TNIK: variants seen among roughly 807,000 people sequenced by gnomAD.
The protein encoded by TNIK is TRAF2 and NCK interacting kinase, also known as TRAF2 and NCK-interacting protein kinase.
Under a neutral mutation model 191.3 loss-of-function variants are expected in TNIK, and 49 were observed. The ratio of observed to expected loss-of-function variants is 0.26; its 90% CI spans 0.20 to 0.32. The LOEUF is 0.32. Among genes scored for constraint, TNIK ranks in the 10% least tolerant of loss-of-function variants. The probability of loss-of-function intolerance (pLI) is 1.00; values close to 1 mark genes in which losing one functional copy is unlikely to be tolerated. For synonymous variants in TNIK, 594 were observed against 600.9 expected, an observed-to-expected ratio of 0.99 and a Z score of 0.17; for missense variants, 1,155 against 1,702.3, an observed-to-expected ratio of 0.68 and a Z score of 5.66.
chr3:171,123,216 C>T (rs905246375), intron 18 of TNIK, among the ~76,000 whole-genome samples: 4 of 152,192 alleles, frequency 2.6e-5, no homozygotes, highest in Non-Finnish European at 5.9e-5. Flanking sequence ...AAAATCACCT[C>T]GAAATGGGCC....
At position 171,060,457 on chromosome 3, in the gene TNIK, A is replaced by G. The variant is rs1048637140; in HGVS notation, c.*3424T>C. On this transcript the variant is annotated 3_prime_UTR_variant, in exon 33 of 33. Transcript: ENST00000436636. ...GAGTGCACCCTAGAAAACAATGTCA[A>G]AGTGTTAGAAAAATGGAGCCCCTGT... Among the ~76,000 whole-genome samples the G allele has an allele frequency of 3.3e-5, 5 of 152,286 alleles. No homozygotes were observed. Among genetic ancestry groups the G allele is most frequent in the Admixed American group, 2.6e-4 (4 of 15,300 alleles).
At chr3:171,389,411 C>T (rs1577734727) in intron 1 of TNIK, among the ~76,000 whole-genome samples, 1 of 152,142 alleles carries the variant, frequency 6.6e-6, no homozygotes, top group East Asian at 1.9e-4. Flanking sequence ...TTTCCGAGTG[C>T]CTGCTCTGTG....
chr3:171,271,770 C>T (rs1749135009), intron 2 of TNIK, among the ~76,000 whole-genome samples: 1 of 152,142 alleles, frequency 6.6e-6, no homozygotes, highest in African/African-American at 2.4e-5. Flanking sequence ...TTATATATAA[C>T]TTTCAAACCC....
At chr3:171,316,210 T>C (rs1754581125) in intron 2 of TNIK, among the ~76,000 whole-genome samples, 1 of 152,146 alleles carries the variant, frequency 6.6e-6, no homozygotes, top group Non-Finnish European at 1.5e-5. Flanking sequence ...ATTCCCATCT[T>C]CTTGCACAGT....
chr3:171,373,483 A>G (rs970488914), intron 1 of TNIK, among the ~76,000 whole-genome samples: 1 of 152,120 alleles, frequency 6.6e-6, no homozygotes, highest in South Asian at 2.1e-4. Context: ...ACTCCACTCC[A>G]TTCACACAAC....
At chr3:171,430,626 C>T (rs1363600807) in intron 1 of TNIK, among the ~76,000 whole-genome samples, 1 of 135,338 alleles carries the variant, frequency 7.4e-6, no homozygotes, top group Non-Finnish European at 1.5e-5. Flanking sequence ...CCCAGAGTGA[C>T]ACCTTGTCTC....
chr3:171,258,427 G>A (rs1747160315), intron 2 of TNIK, among the ~76,000 whole-genome samples: 1 of 152,112 alleles, frequency 6.6e-6, no homozygotes, highest in South Asian at 2.1e-4. Context: ...GGAGATGGGA[G>A]GATGACTCAT....
intron 3 of TNIK, among the ~76,000 whole-genome samples, chr3:171,224,155 C>G (rs1219132616): frequency 2.0e-5 from 3 of 152,108 alleles, no homozygotes; most frequent in Non-Finnish European, 4.4e-5. Context: ...GAAAGCAGAG[C>G]CCACAGATGG....
chr3:171,238,430 A>T (rs1744567626), intron 2 of TNIK, among the ~76,000 whole-genome samples: 1 of 152,224 alleles, frequency 6.6e-6, no homozygotes, highest in East Asian at 1.9e-4. Context: ...ATCCCAAAAA[A>T]TGTAAATTCT....
chr3:171,449,984 C>G (rs552521080), intron 1 of TNIK, among the ~76,000 whole-genome samples: 1 of 151,556 alleles, frequency 6.6e-6, no homozygotes, highest in Non-Finnish European at 1.5e-5. Context: ...TGCAGTCAGC[C>G]AACACGGTGC....
At chr3:171,377,030 C>T (rs1347824886) in intron 1 of TNIK, among the ~76,000 whole-genome samples, 3 of 152,310 alleles carry the variant, frequency 2.0e-5, no homozygotes, top group African/African-American at 2.4e-5. Context: ...TCGCATCCTG[C>T]GTATGAATGT....
At chr3:171,275,628 G>C (rs969271279) in intron 2 of TNIK, among the ~76,000 whole-genome samples, 5 of 152,136 alleles carry the variant, frequency 3.3e-5, no homozygotes, top group Non-Finnish European at 7.3e-5. Flanking sequence ...CATATAAAAA[G>C]AGGAAAATCT....
chr3:171,276,083 T>C (rs13070405), intron 2 of TNIK, among the ~76,000 whole-genome samples: 80,501 of 151,844 alleles, frequency 0.53, 22,244 homozygotes, highest in African/African-American at 0.65. Context: ...CAACACCCAC[T>C]CCACAAATGC....
chr3:171,194,766 A>G (rs1276348118), intron 4 of TNIK, 131 bp from the exon 5 acceptor site: 1 of 719,014 alleles, frequency 1.4e-6, no homozygotes, highest in Non-Finnish European at 2.4e-6. Flanking sequence ...TCATAAAACA[A>G]TATATAAAAC....
intron 2 of TNIK, among the ~76,000 whole-genome samples, chr3:171,364,602 T>C (rs1290346931): frequency 6.6e-6 from 1 of 152,200 alleles, no homozygotes; most frequent in East Asian, 1.9e-4. Context: ...TGACTTAATT[T>C]TCCCTTGACT....
At chr3:171,162,257 T>TA (rs1481718579) in intron 10 of TNIK, among the ~76,000 whole-genome samples, 1 of 151,436 alleles carries the variant, frequency 6.6e-6, no homozygotes, top group African/African-American at 2.4e-5. Context: ...CCATCTCTAC[T>TA]AAAAATACAA....
At chr3:171,120,761 G>A (rs73039311) in intron 18 of TNIK, among the ~76,000 whole-genome samples, 4,814 of 152,222 alleles carry the variant, frequency 0.032, 259 homozygotes, top group African/African-American at 0.1. Flanking sequence ...AGACACTGTT[G>A]TCTTAAAATT....
chr3:171,206,180 T>G (rs532736595), intron 4 of TNIK, among the ~76,000 whole-genome samples: 2 of 152,084 alleles, frequency 1.3e-5, no homozygotes, highest in Non-Finnish European at 1.5e-5. Context: ...TTCACTGTTA[T>G]ATCCTGAGTG....
At chr3:171,288,979 A>T (rs6770214) in intron 2 of TNIK, among the ~76,000 whole-genome samples, 1 of 152,004 alleles carries the variant, frequency 6.6e-6, no homozygotes, top group Non-Finnish European at 1.5e-5. Context: ...ATTGATCACA[A>T]TTGAAGAATT....
Sources: allele counts gnomAD v4.1 joint callset (sites outside exome capture counted in the v4.1 genomes callset), GRCh38; gene constraint gnomAD v4.1.1; transcripts MANE v1.5; gene names NCBI Gene and HGNC (gene_info 2026-07-23, HGNC 2026-07-21).